DLG2: variants seen among roughly 807,000 people sequenced by gnomAD.
DLG2 encodes the protein disks large homolog 2.
DLG2 carries 45 observed loss-of-function variants against 132.5 expected under a neutral mutation model. The observed-to-expected ratio is 0.34, with a 90% CI of 0.27 to 0.44. The LOEUF (loss-of-function observed/expected upper bound fraction) is 0.44. Among genes scored for constraint, DLG2 ranks in the 20% least tolerant of loss-of-function variants. The pLI is 1.00. For missense variants in DLG2, 1,045 were observed against 1,196.9 expected (o/e 0.87, Z 1.87); for synonymous variants, 424 against 419.6 (o/e 1.01, Z -0.13).
At chr11:85,474,609 A>G (rs1198140825) in intron 3 of DLG2, among the ~76,000 whole-genome samples, 2 of 151,972 alleles carry the variant, frequency 1.3e-5, no homozygotes, top group Non-Finnish European at 2.9e-5. Context: ...TCTCAATTAT[A>G]GATATGCTGA....
chr11:83,487,553 G>T (rs1213099397), intron 21 of DLG2, among the ~76,000 whole-genome samples: 2 of 152,032 alleles, frequency 1.3e-5, no homozygotes, highest in Non-Finnish European at 2.9e-5. Context: ...AAATATCACT[G>T]TTTTTAAGAG....
intron 12 of DLG2, among the ~76,000 whole-genome samples, chr11:83,979,534 T>C (rs1246353841): frequency 1.3e-5 from 2 of 152,224 alleles, no homozygotes; most frequent in African/African-American, 2.4e-5. Context: ...AATGCTTTGT[T>C]GCTTATAATC....
chr11:84,901,467 G>T (rs992193881), intron 6 of DLG2, among the ~76,000 whole-genome samples: 1 of 152,016 alleles, frequency 6.6e-6, no homozygotes, highest in African/African-American at 2.4e-5. Context: ...ATTCAATCAG[G>T]AATTTTCCAC....
intron 19 of DLG2, among the ~76,000 whole-genome samples, chr11:83,609,421 T>A (rs921886546): frequency 6.6e-6 from 1 of 152,200 alleles, no homozygotes; most frequent in African/African-American, 2.4e-5. Flanking sequence ...CAAGCACAAC[T>A]AGGGCAGATG....
chr11:84,593,378 A>T (rs1482764004), intron 6 of DLG2, among the ~76,000 whole-genome samples: 1 of 152,200 alleles, frequency 6.6e-6, no homozygotes, highest in Non-Finnish European at 1.5e-5. Flanking sequence ...ACAACAGCAA[A>T]GACTTGGGAC....
chr11:85,244,873 T>G (rs1391077508), intron 4 of DLG2, among the ~76,000 whole-genome samples: 1 of 151,918 alleles, frequency 6.6e-6, no homozygotes, highest in African/African-American at 2.4e-5. Context: ...ATTCAGATAT[T>G]GATCATGGGA....
intron 6 of DLG2, among the ~76,000 whole-genome samples, chr11:84,612,457 G>C (rs1008032222): frequency 6.6e-6 from 1 of 152,000 alleles, no homozygotes; most frequent in African/African-American, 2.4e-5. Flanking sequence ...ACCTAGGAGT[G>C]GAATGACTAA....
At chr11:85,069,018 C>T (rs1306726129) in intron 6 of DLG2, among the ~76,000 whole-genome samples, 10 of 152,032 alleles carry the variant, frequency 6.6e-5, no homozygotes, top group Non-Finnish European at 1.5e-4. Flanking sequence ...ACCATCTGAT[C>T]TCTGACAAAC....
chr11:85,301,836 T>G (rs761566903), intron 3 of DLG2, among the ~76,000 whole-genome samples: 28 of 152,150 alleles, frequency 1.8e-4, no homozygotes, highest in Admixed American at 6.5e-5. Flanking sequence ...TGCCACAATT[T>G]CTCTAGTTGA....
At chr11:84,899,412 A>T (rs1471294437) in intron 6 of DLG2, among the ~76,000 whole-genome samples, 1 of 152,054 alleles carries the variant, frequency 6.6e-6, no homozygotes, top group Non-Finnish European at 1.5e-5. Flanking sequence ...AAATTAAAAG[A>T]CAAAGAACTA....
rs2099036631 is a variant in DLG2 at position 84,446,854 on chromosome 11, T to G, written c.519+87716A>C. Reference sequence around the variant, plus strand: ...ACACTCTCACCCTAAATGCCTTTATTGAGTCCCATACACCCCTGGGATACC... The same window carrying G: ...ACACTCTCACCCTAAATGCCTTTATGGAGTCCCATACACCCCTGGGATACC... On this transcript the variant is annotated intron_variant, in intron 7 of 27. Coordinates refer to ENST00000376104, the MANE Select transcript of DLG2 (RefSeq NM_001142699.3). Among the ~76,000 whole-genome samples the G allele has an allele frequency of 5.3e-5, 8 of 152,250 alleles. No homozygotes were observed. In the South Asian group the frequency reaches 1.7e-3, roughly 32 times the overall value.
At chr11:84,425,199 T>C (rs1233949147) in intron 7 of DLG2, among the ~76,000 whole-genome samples, 1 of 152,100 alleles carries the variant, frequency 6.6e-6, no homozygotes, top group Non-Finnish European at 1.5e-5. Flanking sequence ...CTTCAAAGGC[T>C]GCAGATGATT....
chr11:85,050,659 T>C (rs905220607), intron 6 of DLG2, among the ~76,000 whole-genome samples: 8 of 152,092 alleles, frequency 5.3e-5, no homozygotes, highest in South Asian at 2.1e-4. Flanking sequence ...AAGGCTGGTT[T>C]AAGACAAGAA....
At chr11:84,790,690 GT>G (rs1205310768) in intron 6 of DLG2, among the ~76,000 whole-genome samples, 1 of 152,150 alleles carries the variant, frequency 6.6e-6, no homozygotes, top group Admixed American at 6.6e-5. Context: ...TTTCCCTTAT[GT>G]TTCCTTGTAG....
chr11:84,582,555 AAAT>A (rs1243136806), intron 6 of DLG2, among the ~76,000 whole-genome samples: 1 of 150,044 alleles, frequency 6.7e-6, no homozygotes, highest in East Asian at 1.9e-4. Context: ...ATGTTTTCCA[AAAT>A]AATAATAATA....
chr11:84,291,190 T>C (rs1007886476), intron 7 of DLG2, among the ~76,000 whole-genome samples: 1 of 152,146 alleles, frequency 6.6e-6, no homozygotes, highest in Non-Finnish European at 1.5e-5. Context: ...TGACTGACCA[T>C]TGACCAAAAA....
chr11:83,813,396 T>TA lies in DLG2; in HGVS notation c.1722+20217dup, dbSNP rs200272653. ...GTTTATAGGATCCTCTGAGATTTGA[T>TA]AAAAAAATTCCATCCTTTGCAGGAA... On this transcript the variant is annotated intron_variant, in intron 17 of 27. Coordinates refer to ENST00000376104, the MANE Select transcript of DLG2 (RefSeq NM_001142699.3). 8.2e-3 allele frequency among the ~76,000 whole-genome samples: 1,251 copies of TA among 152,216 alleles called. 24 individuals are homozygous for TA. The highest frequency in any genetic ancestry group is 0.029 in the African/African-American group (1,187 of 41,542).
intron 7 of DLG2, among the ~76,000 whole-genome samples, chr11:84,356,243 T>C (rs1364197527): frequency 6.6e-6 from 1 of 152,158 alleles, no homozygotes; most frequent in African/African-American, 2.4e-5. Context: ...GACCAGCTTT[T>C]TCTAGGCACT....
At chr11:84,582,883 G>C (rs2099519993) in intron 6 of DLG2, among the ~76,000 whole-genome samples, 2 of 152,166 alleles carry the variant, frequency 1.3e-5, no homozygotes, top group South Asian at 4.1e-4. Context: ...GTTAGTACAG[G>C]TGTTGCAGTA....
Sources: gnomAD v4.1 joint callset for allele counts (sites outside exome capture counted in the v4.1 genomes callset) on GRCh38, gnomAD v4.1.1 for gene constraint, MANE v1.5 for transcripts, NCBI Gene and HGNC (gene_info 2026-07-23, HGNC 2026-07-21) for gene names.